PASD1: variants seen among roughly 807,000 people sequenced by gnomAD.
PASD1 encodes circadian clock protein PASD1.
In PASD1, 13 loss-of-function variants were observed where a neutral mutation model predicts 58.8. The observed-to-expected ratio is 0.22, with a 90% CI of 0.14 to 0.35. The LOEUF (loss-of-function observed/expected upper bound fraction) is 0.35. Ranked by LOEUF, PASD1 falls within the 10% of genes least tolerant of loss-of-function variation. The pLI is 1.00. For synonymous variants in PASD1, 236 were observed against 216.7 expected (o/e 1.09, Z -0.78); for missense variants, 734 against 568.3 (o/e 1.29, Z -2.96).
chrX:151,575,626 A>G (rs2012992673), intron 1 of PASD1, among the ~76,000 whole-genome samples: 1 of 110,519 alleles, frequency 9.0e-6, no homozygotes, highest in Non-Finnish European at 1.9e-5. Flanking sequence ...GTAAGTGGGG[A>G]AAATCTAAGT....
chrX:151,639,364 T>A (rs2013970430), intron 8 of PASD1, among the ~76,000 whole-genome samples: 1 of 112,296 alleles, frequency 8.9e-6, no homozygotes, highest in Non-Finnish European at 1.9e-5. Context: ...AACTGTAAGA[T>A]CCATGAGACT....
chrX:151,657,069 G>C (rs1272947697), intron 9 of PASD1, among the ~76,000 whole-genome samples: 1 of 111,676 alleles, frequency 9.0e-6, no homozygotes, highest in African/African-American at 3.3e-5. Context: ...TAGCATGAAG[G>C]GCTGTTGAAT....
chrX:151,623,807 G>A (rs768120746), intron 7 of PASD1, among the ~76,000 whole-genome samples: 6 of 111,602 alleles, frequency 5.4e-5, no homozygotes, highest in African/African-American at 1.6e-4. Flanking sequence ...GGAAGGCAAC[G>A]CAGGTAGATG....
rs1260627145 is a variant in PASD1 at position 151,592,498 on chromosome X, A to G, written c.-27-9029A>G. ...AGAGAACTTTTCTTGATGGAAATAT[A>G]TACCATAAAGATGTATAAATGTAAT... On this transcript the variant is annotated intron_variant, in intron 1 of 15. Coordinates refer to ENST00000370357, the MANE Select transcript of PASD1 (RefSeq NM_173493.3). Among the ~76,000 whole-genome samples the G allele has an allele frequency of 2.7e-5, 3 of 112,252 alleles. No individual in the cohort carries two copies. In the East Asian group the frequency reaches 8.3e-4, roughly 31 times the overall value.
intron 4 of PASD1, among the ~76,000 whole-genome samples, chrX:151,616,229 T>C (rs1172576300): frequency 9.0e-6 from 1 of 111,394 alleles, no homozygotes; most frequent in Non-Finnish European, 1.9e-5. Flanking sequence ...AAGAATTGGC[T>C]ATGAGGGGCA....
At chrX:151,642,316 C>T (rs1569411698) in intron 8 of PASD1, among the ~76,000 whole-genome samples, 2 of 111,655 alleles carry the variant, frequency 1.8e-5, no homozygotes, top group African/African-American at 3.2e-5. Context: ...AAACAGGCTG[C>T]TGCTGATTTT....
At chrX:151,653,852 C>T (rs868356137) in intron 9 of PASD1, among the ~76,000 whole-genome samples, 17 of 28,020 alleles carry the variant, frequency 6.1e-4, no homozygotes, top group African/African-American at 9.8e-4. Flanking sequence ...CCTTCCCTCC[C>T]TCCCTCCCTC....
intron 1 of PASD1, among the ~76,000 whole-genome samples, chrX:151,600,130 G>A (rs951836375): frequency 2.7e-5 from 3 of 111,830 alleles, no homozygotes; most frequent in Non-Finnish European, 1.9e-5. Flanking sequence ...CAGGCGTGGC[G>A]GCGTGCGCCT....
chrX:151,649,576 T>C (rs1441704298), intron 9 of PASD1, among the ~76,000 whole-genome samples: 1 of 112,003 alleles, frequency 8.9e-6, no homozygotes. Flanking sequence ...ACTCCTATAA[T>C]AGAATGAAAC....
rs1205432634 is a variant in PASD1, at chrX:151,621,583, A to G, written c.409A>G (p.Ile137Val). The G allele has an allele frequency of 8.5e-7, 1 of 1,180,229 alleles. No homozygotes were observed. Among genetic ancestry groups the G allele is most frequent in the Admixed American group, 2.2e-5 (1 of 45,232 alleles). ...NVKFIVNVRD[I>V]CNEFPVVFSG... ...GAAATTTATTGTGAATGTAAGAGAT[A>G]TTTGTAATGGTAAGCAGTTCTGTTT... Residue 137 changes from isoleucine (I) to valine (V), a missense_variant, in exon 6 of 16, where the codon ATT becomes GTT. By Grantham distance (29) the Ile-to-Val change is conservative. Transcript: ENST00000370357.
intron 1 of PASD1, among the ~76,000 whole-genome samples, chrX:151,570,519 G>A (rs973650069): frequency 3.6e-5 from 4 of 112,527 alleles, no homozygotes; most frequent in Non-Finnish European, 7.5e-5. Flanking sequence ...GCATTCTAAA[G>A]GGGAATGATT....
intron 1 of PASD1, among the ~76,000 whole-genome samples, chrX:151,572,856 G>T (rs1169438235): frequency 9.4e-6 from 1 of 106,559 alleles, no homozygotes; most frequent in Admixed American, 1.0e-4. Context: ...CCTGAGACTG[G>T]GTAATTTATA....
At chrX:151,564,603 G>A (rs1291718159) in intron 1 of PASD1, among the ~76,000 whole-genome samples, 2 of 110,411 alleles carry the variant, frequency 1.8e-5, no homozygotes, top group African/African-American at 6.6e-5. Context: ...TCTGAAGACC[G>A]ATAATGGAGG....
At position 151,581,227 on chromosome X, in the gene PASD1, C is replaced by CAAAAA. The variant is rs55664238; in HGVS notation, c.-28+17410_-28+17414dup. On this transcript the variant is annotated intron_variant, in intron 1 of 15. Coordinates refer to ENST00000370357, the MANE Select transcript of PASD1 (RefSeq NM_173493.3). ...TAGGCAACAGAGTAAAGCTCTGTAT[C>CAAAAA]AAAAAAAAAAAAAAAAAAAAAAAAA... Among the ~76,000 whole-genome samples the CAAAAA allele has an allele frequency of 4.1e-4, 13 of 31,505 alleles. 1 individual carries two copies. The highest frequency in any genetic ancestry group is 6.1e-4 in the Non-Finnish European group (11 of 18,076). The allele number at this position is 31,505 out of a possible 115,157, so 27.4% of individuals were successfully genotyped here. A position where few individuals can be genotyped will look rare whatever the true frequency, so the allele number is the denominator to read the frequency against.
chrX:151,655,733 C>T (rs2014231489), intron 9 of PASD1, among the ~76,000 whole-genome samples: 1 of 111,626 alleles, frequency 9.0e-6, no homozygotes, highest in Admixed American at 9.5e-5. Context: ...TGTTTGAGTT[C>T]ATTGTAGATT....
chrX:151,611,030 C>A (rs1213248042), intron 3 of PASD1, among the ~76,000 whole-genome samples: 2 of 111,482 alleles, frequency 1.8e-5, no homozygotes, highest in Non-Finnish European at 3.8e-5. Flanking sequence ...AAGCTCTAGG[C>A]TATCAGTGTT....
chrX:151,673,794 A>G (rs2014508122), intron 14 of PASD1, 134 bp from the exon 15 acceptor site: 1 of 765,886 alleles, frequency 1.3e-6, no homozygotes, highest in African/African-American at 2.1e-5. Context: ...CAAAGTGAGA[A>G]TACAAACAAG....
intron 1 of PASD1, among the ~76,000 whole-genome samples, chrX:151,568,323 A>G (rs1602897093): frequency 9.0e-6 from 1 of 111,710 alleles, no homozygotes; most frequent in South Asian, 3.8e-4. Flanking sequence ...TATTTCTAAC[A>G]GTTAAGCACA....
At chrX:151,609,404 C>T (rs139463232) in intron 3 of PASD1, among the ~76,000 whole-genome samples, 187 of 111,655 alleles carry the variant, frequency 1.7e-3, no homozygotes, top group African/African-American at 5.4e-3. Flanking sequence ...CCATCACCAC[C>T]ATCCATTTCC....
Sources: gnomAD v4.1 joint callset for allele counts (sites outside exome capture counted in the v4.1 genomes callset) on GRCh38, gnomAD v4.1.1 for gene constraint, MANE v1.5 for transcripts, NCBI Gene and HGNC (gene_info 2026-07-23, HGNC 2026-07-21) for gene names.